AK5: variants seen among roughly 807,000 people sequenced by gnomAD.
The protein encoded by AK5 is adenylate kinase isoenzyme 5.
A neutral mutation model predicts 69.5 loss-of-function variants in AK5; 27 were observed. That is an observed-to-expected ratio of 0.39 (90% CI 0.29 to 0.54). The LOEUF (loss-of-function observed/expected upper bound fraction) is 0.54. Among genes scored for constraint, AK5 ranks in the 20% least tolerant of loss-of-function variants. The pLI is 0.71. For synonymous variants in AK5, 260 were observed against 244.4 expected, an observed-to-expected ratio of 1.06 and a Z score of -0.60; for missense variants, 531 against 700.4, an observed-to-expected ratio of 0.76 and a Z score of 2.73.
At chr1:77,485,127 T>C (rs1221256360) in intron 9 of AK5, among the ~76,000 whole-genome samples, 1 of 152,232 alleles carries the variant, frequency 6.6e-6, no homozygotes, top group Non-Finnish European at 1.5e-5. Flanking sequence ...CTGCCTTTAA[T>C]AGAAAACTCC....
intron 5 of AK5, among the ~76,000 whole-genome samples, chr1:77,324,318 C>CGT (rs10547281): frequency 0.14 from 20,648 of 148,628 alleles, 1,645 homozygotes; most frequent in Non-Finnish European, 0.18. Context: ...TCACCATTTG[C>CGT]GTGTGTGTGT....
At chr1:77,293,989 T>A in intron 3 of AK5, 29 bp downstream of exon 3, 1 of 1,593,584 alleles carries the variant, frequency 6.3e-7, no homozygotes, top group Non-Finnish European at 8.5e-7. Flanking sequence ...AAAATTCTCA[T>A]ACCGTTGCTG....
intron 6 of AK5, among the ~76,000 whole-genome samples, chr1:77,406,704 G>GAAAAA (rs752481198): frequency 1.4e-5 from 2 of 147,626 alleles, no homozygotes; most frequent in Non-Finnish European, 3.0e-5. Context: ...CTGATGCTGA[G>GAAAAA]GAAAAAAAAA....
At chr1:77,480,147 TGTG>T (rs1655173726) in intron 8 of AK5, among the ~76,000 whole-genome samples, 1 of 151,416 alleles carries the variant, frequency 6.6e-6, no homozygotes, top group Non-Finnish European at 1.5e-5. Flanking sequence ...TGTGTGTGTG[TGTG>T]TGTGTGTAAG....
chr1:77,310,915 A>G (rs940275574), intron 5 of AK5, among the ~76,000 whole-genome samples: 18 of 152,120 alleles, frequency 1.2e-4, no homozygotes, highest in African/African-American at 4.1e-4. Context: ...AATTTTTCAT[A>G]TAAATATCTT....
chr1:77,410,735 T>TAA (rs1649987851), intron 6 of AK5, among the ~76,000 whole-genome samples: 2 of 151,980 alleles, frequency 1.3e-5, no homozygotes, highest in African/African-American at 4.8e-5. Context: ...CTCCATAAAT[T>TAA]AAGAAAATAT....
Position 77,324,318 on chromosome 1 carries a change from C to CGTGTGTGT in AK5, c.700-16030_700-16023dup, listed in dbSNP as rs10547281. On this transcript the variant is annotated intron_variant, in intron 5 of 13. Transcript: ENST00000354567. ...ATATTAAAAAAAAGTTCACCATTTG[C>CGTGTGTGT]GTGTGTGTGTGTGTGTGTGTGTGTG... 2.6e-4 allele frequency among the ~76,000 whole-genome samples: 39 copies of CGTGTGTGT among 148,800 alleles called. 1 individual carries two copies. The highest frequency in any genetic ancestry group is 3.4e-3 in the Middle Eastern group (1 of 290).
chr1:77,553,929 C>T (rs569066717), intron 13 of AK5, among the ~76,000 whole-genome samples: 2 of 152,232 alleles, frequency 1.3e-5, no homozygotes, highest in South Asian at 4.2e-4. Flanking sequence ...CATCCCAAGG[C>T]ATGTTTGGAA....
At chr1:77,386,713 G>A (rs780073543) in intron 6 of AK5, among the ~76,000 whole-genome samples, 1 of 152,220 alleles carries the variant, frequency 6.6e-6, no homozygotes, top group Middle Eastern at 3.4e-3. Flanking sequence ...TCAAGTCAGA[G>A]GTATTCAGGG....
intron 6 of AK5, among the ~76,000 whole-genome samples, chr1:77,395,233 A>T (rs1648753098): frequency 6.6e-6 from 1 of 152,200 alleles, no homozygotes; most frequent in Non-Finnish European, 1.5e-5. Context: ...GTAAAAGTGG[A>T]CATACTGCCT....
At chr1:77,342,681 C>T (rs1321853312) in intron 6 of AK5, among the ~76,000 whole-genome samples, 1 of 152,030 alleles carries the variant, frequency 6.6e-6, no homozygotes, top group Non-Finnish European at 1.5e-5. Context: ...TAGTTTATTG[C>T]TGGAATTAAA....
intron 8 of AK5, among the ~76,000 whole-genome samples, chr1:77,462,555 A>G (rs1040432502): frequency 1.3e-5 from 2 of 152,170 alleles, no homozygotes; most frequent in Non-Finnish European, 2.9e-5. Context: ...ATATATATAC[A>G]GTTTTATAAA....
intron 6 of AK5, among the ~76,000 whole-genome samples, chr1:77,391,501 A>G (rs1050771216): frequency 0.36 from 17,197 of 47,594 alleles, 1,591 homozygotes; most frequent in Middle Eastern, 0.45. Flanking sequence ...GTGTGTATAT[A>G]TATATATATA....
chr1:77,282,824 A>G (rs1658137155), intron 1 of AK5: 2 of 990,266 alleles, frequency 2.0e-6, no homozygotes, highest in Admixed American at 6.1e-5. Flanking sequence ...GGGAAAGAGG[A>G]AATGTGGACG....
chr1:77,301,613 A>C (rs146676477), intron 5 of AK5, among the ~76,000 whole-genome samples: 1 of 152,324 alleles, frequency 6.6e-6, no homozygotes, highest in African/African-American at 2.4e-5. Flanking sequence ...CCCATCATTT[A>C]GTTCAAAAGT....
chr1:77,445,488 G>C (rs1183306635), intron 8 of AK5, among the ~76,000 whole-genome samples: 1 of 152,070 alleles, frequency 6.6e-6, no homozygotes, highest in Non-Finnish European at 1.5e-5. Flanking sequence ...ATATTTTCCT[G>C]CTACCAGAGT....
chr1:77,324,617 G>A (rs757033563), intron 5 of AK5, among the ~76,000 whole-genome samples: 1 of 151,752 alleles, frequency 6.6e-6, no homozygotes, highest in South Asian at 2.1e-4. Flanking sequence ...GATGTAGACC[G>A]CAGAGTTAAA....
intron 6 of AK5, among the ~76,000 whole-genome samples, chr1:77,361,611 T>C (rs1322070013): frequency 2.0e-5 from 3 of 152,176 alleles, no homozygotes; most frequent in Non-Finnish European, 4.4e-5. Context: ...AAAGACATAC[T>C]GAGACTGGGC....
At chr1:77,447,998 C>G (rs1652855338) in intron 8 of AK5, among the ~76,000 whole-genome samples, 1 of 152,200 alleles carries the variant, frequency 6.6e-6, no homozygotes, top group African/African-American at 2.4e-5. Flanking sequence ...TAACCATTGT[C>G]CATCCAGGCT....
Sources: gnomAD v4.1 joint callset for allele counts (sites outside exome capture counted in the v4.1 genomes callset) on GRCh38, gnomAD v4.1.1 for gene constraint, MANE v1.5 for transcripts, NCBI Gene and HGNC (gene_info 2026-07-23, HGNC 2026-07-21) for gene names.